Variants in SSH1 observed in about 807,000 individuals in gnomAD.
The protein encoded by SSH1 is protein phosphatase Slingshot homolog 1.
A neutral mutation model predicts 79.7 loss-of-function variants in SSH1; 43 were observed. The ratio of observed to expected loss-of-function variants is 0.54; its 90% CI spans 0.42 to 0.70. SSH1 has a LOEUF of 0.70. Among genes scored for constraint, SSH1 ranks in the 30% least tolerant of loss-of-function variants. The probability of loss-of-function intolerance (pLI) is 0.00; values close to 1 mark genes in which losing one functional copy is unlikely to be tolerated. For synonymous variants in SSH1, 599 were observed against 538.3 expected, an observed-to-expected ratio of 1.11 and a Z score of -1.56; for missense variants, 1,206 against 1,358.8, an observed-to-expected ratio of 0.89 and a Z score of 1.77.
Position 108,807,735 on chromosome 12 carries a change from T to C in SSH1, c.629A>G (p.Tyr210Cys), listed in dbSNP as rs1157273863. 13 of 1,613,148 alleles carry C rather than the reference T, an allele frequency of 8.1e-6. No individual in the cohort carries two copies. The Admixed American group carries it at 1.3e-4, about 17-fold the overall frequency. The change falls in exon 8 of 15, where the codon TAT (tyrosine) becomes TGT (cysteine). Residue 210 changes from tyrosine (Y) to cysteine (C), a missense_variant. Tyr to Cys is a radical substitution (Grantham distance 194). Around this residue, in one of 5 missense-constraint regions of SSH1, gnomAD observed 116 missense variants for 109.0 expected, o/e 1.06. Coordinates refer to ENST00000326495, the MANE Select transcript of SSH1 (RefSeq NM_018984.4). The surrounding 1 kb of genome is among the most constrained non-coding windows in gnomAD (Gnocchi z 5.2). ...GGVALIWATY[Y>C]ESCISSEQSC... The stretch of plus-strand genomic sequence containing the variant: ...CTGCTCGGAGCTGATGCAGCTCTCA[T>C]AGTAGGTAGCCCAGATGAGAGCTAC...
intron 6 of SSH1, among the ~76,000 whole-genome samples, chr12:108,810,055 C>T (rs1472540068): frequency 6.6e-6 from 1 of 152,100 alleles, no homozygotes; most frequent in Non-Finnish European, 1.5e-5. Context: ...CTCTATGTTC[C>T]AACGTGGTTC....
chr12:108,813,045 T>A (rs1170433508), intron 5 of SSH1, among the ~76,000 whole-genome samples: 1 of 152,052 alleles, frequency 6.6e-6, no homozygotes, highest in Non-Finnish European at 1.5e-5. Context: ...AAAAACTTTT[T>A]TGTACAGATA....
Position 108,781,677 on chromosome 12 carries a change from T to C in SSH1, c.*6311A>G, listed in dbSNP as rs1788730763. On this transcript the variant is annotated 3_prime_UTR_variant, in exon 15 of 15. Coordinates refer to ENST00000326495, the MANE Select transcript of SSH1 (RefSeq NM_018984.4). ...TGCCCCATACATTTCCCAGTCTCCCTGGCTGTTGCATTGGGACCCTGTGAC... is the reference window on the plus strand; with the variant it reads ...TGCCCCATACATTTCCCAGTCTCCCCGGCTGTTGCATTGGGACCCTGTGAC... The C allele has an allele frequency of 6.6e-6, 1 of 152,220 alleles. No homozygotes were observed. The highest frequency in any genetic ancestry group is 2.4e-5 in the African/African-American group (1 of 41,446). The allele number at this position is 152,220 out of a possible 1,614,324, so 9.4% of individuals were successfully genotyped here.
At chr12:108,831,522 G>A (rs1229893924) in intron 2 of SSH1, among the ~76,000 whole-genome samples, 1 of 152,176 alleles carries the variant, frequency 6.6e-6, no homozygotes, top group Non-Finnish European at 1.5e-5. Context: ...GACACTGGAG[G>A]GCCAGGCAGG....
At position 108,781,810 on chromosome 12, in the gene SSH1, C is replaced by CT. The variant is rs925735554; in HGVS notation, c.*6177dup. On this transcript the variant is annotated 3_prime_UTR_variant, in exon 15 of 15. Coordinates refer to ENST00000326495, the MANE Select transcript of SSH1 (RefSeq NM_018984.4). ...ACTACACAGCAGAAAGCAAAGAACT[C>CT]TAAGGAGGCAGAATTTTAAGATGGA... The CT allele has an allele frequency of 1.3e-5, 2 of 152,150 alleles. No individual in the cohort carries two copies. Among genetic ancestry groups the CT allele is most frequent in the Non-Finnish European group, 2.9e-5 (2 of 68,048 alleles). 9.4% of individuals were successfully genotyped at this position (152,150 alleles called of 1,614,324 possible).
In SSH1 at chr12:108,784,210, G is replaced by A. The variant is rs1189405000; in HGVS notation, c.*3778C>T. 1 of 152,220 alleles carries A rather than the reference G, an allele frequency of 6.6e-6. No individual in the cohort carries two copies. Among genetic ancestry groups the A allele is most frequent in the Non-Finnish European group, 1.5e-5 (1 of 68,064 alleles). 9.4% of individuals were successfully genotyped at this position (152,220 alleles called of 1,614,324 possible). ...ATTCATCAACCTTCTAGAATGGACT[G>A]CCCTCAGATAAGAGTGCATTAGTCC... On this transcript the variant is annotated 3_prime_UTR_variant, in exon 15 of 15. Transcript: ENST00000326495.
chr12:108,826,211 A>T, intron 2 of SSH1: 1 of 442,370 alleles, frequency 2.3e-6, no homozygotes, highest in Non-Finnish European at 4.5e-6. Context: ...TTTGGAAAAA[A>T]AAAGGAACAA....
At chr12:108,819,349 A>T (rs937130330) in intron 3 of SSH1, among the ~76,000 whole-genome samples, 2 of 152,244 alleles carry the variant, frequency 1.3e-5, no homozygotes, top group Non-Finnish European at 1.5e-5. Context: ...CTTACTGGCC[A>T]TGAGTCTCGC....
chr12:108,824,751 G>A (rs3926940), intron 2 of SSH1, among the ~76,000 whole-genome samples: 14 of 152,138 alleles, frequency 9.2e-5, no homozygotes, highest in African/African-American at 3.4e-4. Flanking sequence ...AGACCCCGTC[G>A]TACATCAAAA....
At chr12:108,823,761 G>A (rs2038214494) in intron 2 of SSH1, among the ~76,000 whole-genome samples, 1 of 152,060 alleles carries the variant, frequency 6.6e-6, no homozygotes, top group Non-Finnish European at 1.5e-5. Flanking sequence ...TCTGCCTCCT[G>A]GGTTCAAGCG....
intron 6 of SSH1, among the ~76,000 whole-genome samples, chr12:108,810,199 TTAATATAAAATAC>T (rs1204681737): frequency 3.3e-5 from 5 of 151,082 alleles, no homozygotes; most frequent in Non-Finnish European, 5.9e-5. Flanking sequence ...TATAAATATG[TTAATATAAAATAC>T]TAATATAAAA....
chr12:108,814,501 G>C (rs577171596), intron 5 of SSH1, among the ~76,000 whole-genome samples: 151 of 152,130 alleles, frequency 9.9e-4, no homozygotes, highest in Non-Finnish European at 1.9e-3. Flanking sequence ...CCTGGTGCCC[G>C]GGCAATGTGG....
chr12:108,825,001 T>C (rs980550780), intron 2 of SSH1, among the ~76,000 whole-genome samples: 3 of 152,234 alleles, frequency 2.0e-5, no homozygotes, highest in Admixed American at 6.5e-5. Context: ...ATTAAACATA[T>C]ATTAACCTTT....
At chr12:108,831,922 T>C (rs1282862720) in intron 2 of SSH1, among the ~76,000 whole-genome samples, 1 of 152,220 alleles carries the variant, frequency 6.6e-6, no homozygotes, top group Non-Finnish European at 1.5e-5. Flanking sequence ...ACAAACCTCA[T>C]GCTTGTGGTT....
chr12:108,808,942 T>G (rs890035595), intron 7 of SSH1, among the ~76,000 whole-genome samples: 1 of 150,112 alleles, frequency 6.7e-6, no homozygotes, highest in Non-Finnish European at 1.5e-5. Flanking sequence ...CAACTAATTC[T>G]CTTGCCTCAG....
intron 4 of SSH1, 39 bp from the exon 5 acceptor site, chr12:108,817,198 G>A (rs757685893): frequency 5.0e-6 from 8 of 1,610,648 alleles, no homozygotes; most frequent in Non-Finnish European, 6.8e-6. Flanking sequence ...ACCTGCCTTT[G>A]GAGGTGGTGC....
chr12:108,780,687 G>A lies in SSH1; in HGVS notation c.*7301C>T. 6.6e-6 allele frequency: 1 copy of A among 152,176 alleles called. No individual in the cohort carries two copies. Among genetic ancestry groups the A allele is most frequent in the East Asian group, 1.9e-4 (1 of 5,190 alleles). 9.4% of individuals were successfully genotyped at this position (152,176 alleles called of 1,614,324 possible). On this transcript the variant is annotated 3_prime_UTR_variant, in exon 15 of 15. Transcript: ENST00000326495. ...AGTGTCTTGAACCATGACCCTCAGT[G>A]ATTTGTTTTTAAAACATTTTACAGA...
chr12:108,782,693 G>A lies in SSH1; in HGVS notation c.*5295C>T, dbSNP rs1292223667. The A allele has an allele frequency of 6.6e-6, 1 of 152,078 alleles. No homozygotes were observed. The highest frequency in any genetic ancestry group is 6.6e-5 in the Admixed American group (1 of 15,236). The allele number at this position is 152,078 out of a possible 1,614,324, so 9.4% of individuals were successfully genotyped here. On this transcript the variant is annotated 3_prime_UTR_variant, in exon 15 of 15. Coordinates refer to ENST00000326495, the MANE Select transcript of SSH1 (RefSeq NM_018984.4). ...TCCTTTTATATAAACTCAGTCATCA[G>A]GAATTTATAAAGAAAAAGTTTATTT...
intron 1 of SSH1, among the ~76,000 whole-genome samples, chr12:108,855,386 A>G (rs2039124118): frequency 6.6e-6 from 1 of 152,118 alleles, no homozygotes; most frequent in Non-Finnish European, 1.5e-5. Flanking sequence ...CAGGGTTCCT[A>G]TTTTGGGGAG....
Sources: allele counts gnomAD v4.1 joint callset (sites outside exome capture counted in the v4.1 genomes callset), GRCh38; gene constraint gnomAD v4.1.1; regional missense constraint gnomAD v4.1.1; non-coding constraint Gnocchi (gnomAD v3.1); transcripts MANE v1.5; gene names NCBI Gene and HGNC (gene_info 2026-07-23, HGNC 2026-07-21).